The following SYNE1 variants were observed in gnomAD, a reference collection of about 807,000 sequenced individuals.
SYNE1 encodes spectrin repeat containing nuclear envelope protein 1, also known as nesprin-1.
A neutral mutation model predicts 1,111.0 loss-of-function variants in SYNE1; 616 were observed. The ratio of observed to expected loss-of-function variants is 0.55; its 90% confidence interval spans 0.52 to 0.59. SYNE1 has a LOEUF of 0.59. SYNE1 is among the 20% of genes least tolerant of loss of function. SYNE1 has a pLI of 0.00. For synonymous variants in SYNE1, 3,855 were observed against 3,825.8 expected (o/e 1.01, Z -0.28); for missense variants, 10,006 against 10,417.0 (o/e 0.96, Z 1.72).
At chr6:152,558,980 AT>A (rs2099385040) in intron 3 of SYNE1, among the ~76,000 whole-genome samples, 2 of 72,960 alleles carry the variant, frequency 2.7e-5, no homozygotes, top group Admixed American at 2.6e-4. Flanking sequence ...TTTAATTTTT[AT>A]TTATTTATTT....
rs767844376 is a variant in SYNE1, at chr6:152,300,684, C to T, written c.17639G>A (p.Arg5880His). The change falls in exon 93 of 146, where the codon CGC (arginine) becomes CAC (histidine). Residue 5880 changes from arginine to histidine, a missense_variant. Arg to His is a conservative substitution (Grantham distance 29, BLOSUM62 0). Around this residue, in one of 7 missense-constraint regions of SYNE1, gnomAD observed 4,955 missense variants for 5,017.2 expected, o/e 0.99. Transcript: ENST00000367255. ...TGTATTAGCCACAGGTGAAGGGGAGCGACAGGCAGGTGGAGAGGAAATCTC... is the reference window on the plus strand; with the variant it reads ...TGTATTAGCCACAGGTGAAGGGGAGTGACAGGCAGGTGGAGAGGAAATCTC... ...NSEISSPPAC[R>H]SPSPVANTDA... The T allele has an allele frequency of 1.5e-5, 25 of 1,614,014 alleles. No individual in the cohort carries two copies. The highest frequency in any genetic ancestry group is 2.0e-5 in the Non-Finnish European group (24 of 1,180,026).
At chr6:152,426,460 G>A (rs751526562) in intron 38 of SYNE1, among the ~76,000 whole-genome samples, 1 of 152,254 alleles carries the variant, frequency 6.6e-6, no homozygotes, top group African/African-American at 2.4e-5. Flanking sequence ...TCCAGCCCAC[G>A]AGGCGAGGCT....
intron 3 of SYNE1, among the ~76,000 whole-genome samples, chr6:152,595,785 A>C (rs1349402479): frequency 4.6e-5 from 7 of 152,192 alleles, no homozygotes; most frequent in Admixed American, 2.0e-4. Flanking sequence ...CTGACAAAGC[A>C]GTAAACTTCA....
At chr6:152,199,683 ATG>A (rs2074995021) in intron 127 of SYNE1, among the ~76,000 whole-genome samples, 1 of 152,040 alleles carries the variant, frequency 6.6e-6, no homozygotes, top group Non-Finnish European at 1.5e-5. Context: ...CCCTCCCTTT[ATG>A]TGTCTTTACA....
chr6:152,176,410 C>G lies in SYNE1; in HGVS notation c.23611G>C (p.Asp7871His). Residue 7871 changes from aspartate to histidine, a missense_variant, in exon 130 of 146, where the codon GAC (aspartate) becomes CAC (histidine). Around this residue, in one of 7 missense-constraint regions of SYNE1, gnomAD observed 2,182 missense variants for 2,287.8 expected, o/e 0.95. Transcript: ENST00000367255. ...CCTCTTTACCTGGCTGCAATGAGGTCCAGGAGATGCTGCCACCGGTCGTTG... is the reference window on the plus strand; with the variant it reads ...CCTCTTTACCTGGCTGCAATGAGGTGCAGGAGATGCTGCCACCGGTCGTTG... ...KVNDRWQHLL[D>H]LIAARVKKLK... 4 of 1,614,120 alleles carry G rather than the reference C, an allele frequency of 2.5e-6. No homozygotes were observed. Among genetic ancestry groups the G allele is most frequent in the Non-Finnish European group, 3.4e-6 (4 of 1,180,002 alleles).
chr6:152,198,036 A>C (rs2074540763), intron 127 of SYNE1, among the ~76,000 whole-genome samples: 1 of 146,352 alleles, frequency 6.8e-6, no homozygotes. Flanking sequence ...GGGAGAAGGA[A>C]GGAAGGTTAA....
chr6:152,213,775 G>A lies in SYNE1; in HGVS notation c.22347-16C>T, dbSNP rs774545219. 5.0e-6 allele frequency: 8 copies of A among 1,613,794 alleles called. No individual in the cohort carries two copies. In the East Asian group the frequency reaches 1.6e-4, roughly 31 times the overall value. On this transcript the variant is annotated splice_polypyrimidine_tract_variant and intron_variant, in intron 122 of 145. Transcript: ENST00000367255. The stretch of plus-strand genomic sequence containing the variant: ...CTGCAACTTGCTGAAAGAACAAAGG[G>A]CAAGGAACAATGGTTATTTCACTGC...
intron 3 of SYNE1, among the ~76,000 whole-genome samples, chr6:152,572,512 T>C (rs977234715): frequency 1.3e-5 from 2 of 152,134 alleles, no homozygotes; most frequent in African/African-American, 4.8e-5. Context: ...GAATAATAGA[T>C]TTCTAGAATA....
intron 130 of SYNE1, chr6:152,167,645 C>A (rs2063946074): frequency 1.1e-5 from 5 of 439,730 alleles, no homozygotes; most frequent in South Asian, 9.2e-5. Context: ...CTCAAACACA[C>A]AGCATTTTCT....
At chr6:152,168,075 A>C (rs769682752) in intron 130 of SYNE1, 6 of 780,932 alleles carry the variant, frequency 7.7e-6, no homozygotes, top group Non-Finnish European at 7.2e-6. Context: ...GTAACATGAA[A>C]GCTATGTACA....
Position 152,362,162 on chromosome 6 carries a change from G to A in SYNE1, c.10299+8C>T. The A allele has an allele frequency of 6.2e-7, 1 of 1,614,198 alleles. No homozygotes were observed. Reference sequence around the variant, plus strand: ...GAAAACACATGGAATCTGAAATCCAGCTCTCACCTTGGCTTTTCCGAGCAT... The same window carrying A: ...GAAAACACATGGAATCTGAAATCCAACTCTCACCTTGGCTTTTCCGAGCAT... On this transcript the variant is annotated splice_region_variant and intron_variant, in intron 64 of 145. Transcript: ENST00000367255.
intron 3 of SYNE1, among the ~76,000 whole-genome samples, chr6:152,567,941 CTT>C (rs1017979252): frequency 1.3e-5 from 2 of 152,042 alleles, no homozygotes; most frequent in Non-Finnish European, 2.9e-5. Context: ...CAGAAAGAGA[CTT>C]GTGTCTATCT....
chr6:152,404,528 C>T (rs553297793), intron 45 of SYNE1, among the ~76,000 whole-genome samples: 2 of 150,242 alleles, frequency 1.3e-5, no homozygotes, highest in African/African-American at 2.5e-5. Context: ...GTGTGCAGAA[C>T]TTTGTTTTTC....
chr6:152,446,008 A>G (rs1231381809), intron 29 of SYNE1, among the ~76,000 whole-genome samples: 2 of 152,128 alleles, frequency 1.3e-5, no homozygotes, highest in Non-Finnish European at 2.9e-5. Flanking sequence ...GATTCTTACT[A>G]TAAGTCCTGG....
At chr6:152,136,223 C>T (rs1482845484) in intron 141 of SYNE1, among the ~76,000 whole-genome samples, 1 of 152,188 alleles carries the variant, frequency 6.6e-6, no homozygotes, top group African/African-American at 2.4e-5. Context: ...GGTGGACGCC[C>T]AGCAAGTAAT....
intron 44 of SYNE1, 55 bp from the exon 45 acceptor site, chr6:152,407,251 C>G: frequency 6.5e-7 from 1 of 1,549,322 alleles, no homozygotes; most frequent in Non-Finnish European, 8.9e-7. Context: ...AGATGATCAT[C>G]CCCCAACCAA....
chr6:152,582,312 C>A (rs1378317164), intron 3 of SYNE1, among the ~76,000 whole-genome samples: 1 of 152,060 alleles, frequency 6.6e-6, no homozygotes, highest in African/African-American at 2.4e-5. Flanking sequence ...CTCTGTAGCA[C>A]CTTGTCTTAA....
chr6:152,434,078 T>TAA, intron 33 of SYNE1, 133 bp from the exon 34 acceptor site: 22 of 695,032 alleles, frequency 3.2e-5, no homozygotes, highest in Non-Finnish European at 4.6e-5. Context: ...CTATTCACGC[T>TAA]AAAAAAAAAA....
intron 139 of SYNE1, 73 bp from the exon 140 acceptor site, chr6:152,140,234 G>T: frequency 6.7e-7 from 1 of 1,486,058 alleles, no homozygotes; most frequent in Non-Finnish European, 9.4e-7. Flanking sequence ...TTTAAACATA[G>T]GTTGGCAGCC....
Sources: gnomAD v4.1 joint callset for allele counts (sites outside exome capture counted in the v4.1 genomes callset) on GRCh38, gnomAD v4.1.1 for gene constraint, gnomAD v4.1.1 regional missense constraint, MANE v1.5 for transcripts, NCBI Gene and HGNC (gene_info 2026-07-23, HGNC 2026-07-21) for gene names.